Variants in COL4A2 observed in about 807,000 individuals in gnomAD.
COL4A2 encodes the protein collagen alpha-2(IV) chain.
A neutral mutation model predicts 200.2 loss-of-function variants in COL4A2; 99 were observed. The observed-to-expected ratio is 0.49, with a 90% CI of 0.42 to 0.58. The LOEUF (loss-of-function observed/expected upper bound fraction) is 0.58. COL4A2 is among the 20% of genes least tolerant of loss of function. COL4A2 has a pLI of 0.00. For synonymous variants in COL4A2, 897 were observed against 900.6 expected (o/e 1.00, Z 0.07); for missense variants, 1,950 against 2,314.1 (o/e 0.84, Z 3.23).
intron 3 of COL4A2, among the ~76,000 whole-genome samples, chr13:110,351,083 C>T (rs989979845): frequency 2.6e-5 from 4 of 152,062 alleles, no homozygotes; most frequent in Non-Finnish European, 4.4e-5. Flanking sequence ...GGGTCTTGCT[C>T]TGTTGCCCAG....
At chr13:110,386,580 G>C (rs1423210031) in intron 4 of COL4A2, among the ~76,000 whole-genome samples, 1 of 152,170 alleles carries the variant, frequency 6.6e-6, no homozygotes, top group East Asian at 1.9e-4. Context: ...GCACCATATG[G>C]AGTGGAGAAG....
At position 110,428,491 on chromosome 13, in the gene COL4A2, A is replaced by AG; in HGVS notation, c.389dup (p.Arg131LysfsTer23). The AG allele has an allele frequency of 6.3e-7, 1 of 1,583,178 alleles. No individual in the cohort carries two copies. Among genetic ancestry groups the AG allele is most frequent in the South Asian group, 1.1e-5 (1 of 86,998 alleles). On this transcript the variant is annotated frameshift_variant, in exon 7 of 48. Coordinates refer to ENST00000360467, the MANE Select transcript of COL4A2 (RefSeq NM_001846.4). LOFTEE classifies it high-confidence loss of function. The stretch of plus-strand genomic sequence containing the variant: ...GGGACACCCGGGGCAAGGTGGGCCC[A>AG]GGGGAAGGCCGGGCTACGATGGCTG...
At chr13:110,310,200 G>C (rs1392260989) in intron 3 of COL4A2, among the ~76,000 whole-genome samples, 1 of 152,146 alleles carries the variant, frequency 6.6e-6, no homozygotes, top group African/African-American at 2.4e-5. Flanking sequence ...TTGATCTTTG[G>C]ATGGCACCAA....
chr13:110,462,444 A>G, intron 24 of COL4A2, 60 bp downstream of exon 24: 2 of 1,557,990 alleles, frequency 1.3e-6, no homozygotes, highest in Non-Finnish European at 8.7e-7. Context: ...AGGTTCTCCA[A>G]ACACCCCAGA....
Position 110,493,064 on chromosome 13 carries a change from AT to A in COL4A2, c.3563-146del. The A allele has an allele frequency of 4.7e-4, 405 of 869,236 alleles. 1 individual carries two copies. The highest frequency in any genetic ancestry group is 7.9e-4 in the South Asian group (57 of 71,972). 53.8% of individuals were successfully genotyped at this position (869,236 alleles called of 1,614,324 possible). A position where few individuals can be genotyped will look rare whatever the true frequency, so the allele number is the denominator to read the frequency against. ...TGACACCCCCACAGGTGAAATAACG[AT>A]GAGTGACACCCCCATGGGTGAAATA... On this transcript the variant is annotated intron_variant, in intron 38 of 47. Coordinates refer to ENST00000360467, the MANE Select transcript of COL4A2 (RefSeq NM_001846.4).
chr13:110,449,697 G>A lies in COL4A2; in HGVS notation c.1097G>A (p.Gly366Glu). 6.5e-7 allele frequency: 1 copy of A among 1,548,918 alleles called. No individual in the cohort carries two copies. ...CTTCCAGGTGCCAGAGGTGACCCGG[G>A]ATTCCCAGGGGCCCAAGGGGAGCCA... ...SLAKGARGDP[G>E]FPGAQGEPGS... is the part of the protein sequence containing the mutation. Residue 366 changes from glycine (G) to glutamate (E), a missense_variant, in exon 19 of 48, where the codon GGA (glycine) becomes GAA (glutamate). Gly to Glu is a moderately conservative substitution (Grantham distance 98). Around this residue, in one of 2 missense-constraint regions of COL4A2, gnomAD observed 565 missense variants for 593.5 expected, o/e 0.95. Transcript: ENST00000360467.
chr13:110,482,733 A>G lies in COL4A2; in HGVS notation c.2902+74A>G, dbSNP rs1030361139. On this transcript the variant is annotated intron_variant, in intron 32 of 47. Transcript: ENST00000360467. ...CCTTACCCTTTCTTGGTGGCATAAC[A>G]TTGCCCAGAATGAATTTTTGAAAAC... 3.4e-5 allele frequency: 51 copies of G among 1,484,148 alleles called. No individual in the cohort carries two copies. In the Admixed American group the frequency reaches 7.3e-4, roughly 21 times the overall value. The allele number at this position is 1,484,148 out of a possible 1,614,324, so 91.9% of individuals were successfully genotyped here.
chr13:110,314,516 G>A (rs1196168708), intron 3 of COL4A2, among the ~76,000 whole-genome samples: 8 of 152,204 alleles, frequency 5.3e-5, no homozygotes, highest in African/African-American at 7.2e-5. Flanking sequence ...TCCCCTGGCC[G>A]TGGGTGGAGT....
At chr13:110,487,686 A>G (rs903618978) in intron 34 of COL4A2, among the ~76,000 whole-genome samples, 1 of 152,226 alleles carries the variant, frequency 6.6e-6, no homozygotes, top group Non-Finnish European at 1.5e-5. Context: ...ACCTAACTTC[A>G]TTTCCAAACT....
chr13:110,309,510 C>T (rs1884912934), intron 3 of COL4A2, among the ~76,000 whole-genome samples: 2 of 152,272 alleles, frequency 1.3e-5, no homozygotes, highest in South Asian at 4.1e-4. Flanking sequence ...GGGGGCGATC[C>T]CTAGAAAATA....
intron 3 of COL4A2, among the ~76,000 whole-genome samples, chr13:110,335,835 T>C (rs893719375): frequency 6.6e-6 from 1 of 152,238 alleles, no homozygotes; most frequent in South Asian, 2.1e-4. Flanking sequence ...ACTATTTCAC[T>C]ATCCTCACAC....
At position 110,432,340 on chromosome 13, in the gene COL4A2, C is replaced by T. The variant is rs1311495152; in HGVS notation, c.664C>T (p.Pro222Ser). 1.8e-5 allele frequency: 29 copies of T among 1,609,600 alleles called. No homozygotes were observed. Among genetic ancestry groups the T allele is most frequent in the Non-Finnish European group, 2.1e-5 (25 of 1,178,238 alleles). Reference protein sequence around the residue: ...APGRPGPPGPPGPKGQQGNRG... With the variant: ...APGRPGPPGPSGPKGQQGNRG... ...ATTTGTACAGGGACCACCTGGACCC[C>T]CTGGACCAAAAGGACAGCAAGTAAG... Residue 222 changes from proline (P) to serine (S), a missense_variant, in exon 11 of 48, where the codon CCT (proline) becomes TCT (serine). This residue lies in a region of COL4A2 where 565 missense variants were observed against 593.5 expected (regional missense o/e 0.95). Coordinates refer to ENST00000360467, the MANE Select transcript of COL4A2 (RefSeq NM_001846.4).
chr13:110,489,399 C>T, intron 34 of COL4A2, 46 bp from the exon 35 acceptor site: 1 of 1,582,744 alleles, frequency 6.3e-7, no homozygotes, highest in Non-Finnish European at 8.7e-7. Context: ...AGAGTTACAA[C>T]TGACTTCGCT....
At chr13:110,324,131 A>G (rs1403197752) in intron 3 of COL4A2, among the ~76,000 whole-genome samples, 1 of 152,150 alleles carries the variant, frequency 6.6e-6, no homozygotes, top group Non-Finnish European at 1.5e-5. Flanking sequence ...TTGAGCTTCA[A>G]TGCAAAGGGA....
intron 20 of COL4A2, among the ~76,000 whole-genome samples, chr13:110,452,278 G>A (rs924673818): frequency 2.0e-5 from 3 of 152,220 alleles, no homozygotes; most frequent in South Asian, 2.1e-4. Context: ...GGACCCAGGC[G>A]CCCGCCACCG....
intron 4 of COL4A2, among the ~76,000 whole-genome samples, chr13:110,388,578 C>T (rs1878861382): frequency 6.6e-6 from 1 of 152,174 alleles, no homozygotes; most frequent in Non-Finnish European, 1.5e-5. Flanking sequence ...CATCAGAGAG[C>T]AATACTTGCG....
Position 110,480,387 on chromosome 13 carries a change from A to G in COL4A2, c.2755A>G (p.Lys919Glu). Residue 919 changes from lysine (K) to glutamate (E), a missense_variant, in exon 31 of 48, where the codon AAA (lysine) becomes GAA (glutamate). Transcript: ENST00000360467. ...TGGAATGCCTGGGACCCCCGGGCTA[A>G]AAGGTAATTGTGTGACTGTGACCAG... ...IDGMPGTPGL[K>E]GDRGSPGMDG... 1 of 1,610,896 alleles carries G rather than the reference A, an allele frequency of 6.2e-7. No homozygotes were observed. The highest frequency in any genetic ancestry group is 8.5e-7 in the Non-Finnish European group (1 of 1,178,602).
chr13:110,454,651 C>T (rs1016129456), intron 20 of COL4A2, among the ~76,000 whole-genome samples: 1 of 152,118 alleles, frequency 6.6e-6, no homozygotes, highest in African/African-American at 2.4e-5. Context: ...CCCCTCCACT[C>T]CCGGGAAATC....
intron 4 of COL4A2, among the ~76,000 whole-genome samples, chr13:110,419,789 A>G (rs1173219022): frequency 6.6e-6 from 1 of 152,240 alleles, no homozygotes; most frequent in Non-Finnish European, 1.5e-5. Context: ...GATAGTCAAA[A>G]TGGAGTCTGT....
Sources: gnomAD v4.1 joint callset for allele counts (sites outside exome capture counted in the v4.1 genomes callset) on GRCh38, gnomAD v4.1.1 for gene constraint, gnomAD v4.1.1 regional missense constraint, MANE v1.5 for transcripts, NCBI Gene and HGNC (gene_info 2026-07-23, HGNC 2026-07-21) for gene names.